Variants in BMPR1B observed in about 807,000 individuals in gnomAD.
BMPR1B encodes bone morphogenetic protein receptor type 1B, also known as bone morphogenetic protein receptor type-1B.
In BMPR1B, 12 loss-of-function variants were observed where a neutral mutation model predicts 59.1. The observed-to-expected ratio is 0.20, with a 90% CI of 0.13 to 0.33. BMPR1B has a LOEUF of 0.33. Ranked by LOEUF, BMPR1B falls within the 10% of genes least tolerant of loss-of-function variation. The pLI is 1.00. For synonymous variants in BMPR1B, 237 were observed against 207.3 expected, an observed-to-expected ratio of 1.14 and a Z score of -1.23; for missense variants, 550 against 610.9, an observed-to-expected ratio of 0.90 and a Z score of 1.05.
At chr4:95,067,259 G>C (rs1727884081) in intron 3 of BMPR1B, among the ~76,000 whole-genome samples, 1 of 152,134 alleles carries the variant, frequency 6.6e-6, no homozygotes, top group South Asian at 2.1e-4. Context: ...AAATAATTTA[G>C]AAAATTGCTA....
chr4:94,958,989 G>A (rs961268221), intron 2 of BMPR1B, among the ~76,000 whole-genome samples: 1 of 152,104 alleles, frequency 6.6e-6, no homozygotes, highest in Non-Finnish European at 1.5e-5. Flanking sequence ...GGAAACACGA[G>A]GAAGCTGATT....
intron 7 of BMPR1B, 113 bp from the exon 8 acceptor site, chr4:95,124,870 G>T (rs756035396): frequency 1.0e-6 from 1 of 953,716 alleles, no homozygotes; most frequent in East Asian, 2.6e-5. Flanking sequence ...AGCATTTAAT[G>T]TATTATATTT....
intron 2 of BMPR1B, among the ~76,000 whole-genome samples, chr4:94,902,711 C>A (rs1018811459): frequency 2.0e-5 from 3 of 151,846 alleles, no homozygotes; most frequent in Non-Finnish European, 2.9e-5. Flanking sequence ...AATTTCATAT[C>A]TCTTTGAATA....
intron 2 of BMPR1B, among the ~76,000 whole-genome samples, chr4:94,969,906 T>C (rs1730706930): frequency 1.3e-5 from 2 of 152,194 alleles, no homozygotes; most frequent in South Asian, 4.1e-4. Flanking sequence ...AACAAAGAAT[T>C]AATGATCATA....
intron 2 of BMPR1B, among the ~76,000 whole-genome samples, chr4:94,877,920 CT>C (rs1447787699): frequency 2.0e-5 from 3 of 152,022 alleles, no homozygotes; most frequent in African/African-American, 7.2e-5. Context: ...AATATCAGCA[CT>C]TTTATATTTC....
rs1553912364 is a variant in BMPR1B, at chr4:94,849,793, GGT to G, written c.-182-26011_-182-26010del. 1.8e-3 allele frequency among the ~76,000 whole-genome samples: 48 copies of G among 26,840 alleles called. No homozygotes were observed. The South Asian group carries it at 0.033, about 18-fold the overall frequency. 17.6% of individuals were successfully genotyped at this position (26,840 alleles called of 152,430 possible). On this transcript the variant is annotated intron_variant, in intron 1 of 12. Coordinates refer to ENST00000515059, the MANE Select transcript of BMPR1B (RefSeq NM_001203.3). ...CATAATAAGGTAGGAGGGGTTTTTT[GGT>G]GTGTGTGTGTGTGTGTGTGTGTGTG...
At chr4:94,934,855 T>C (rs1488519426) in intron 2 of BMPR1B, among the ~76,000 whole-genome samples, 1 of 152,168 alleles carries the variant, frequency 6.6e-6, no homozygotes, top group Admixed American at 6.6e-5. Flanking sequence ...TCATATTTTA[T>C]AGTAGTACCA....
intron 1 of BMPR1B, among the ~76,000 whole-genome samples, chr4:94,764,386 T>G (rs925796837): frequency 6.6e-6 from 1 of 152,182 alleles, no homozygotes. Context: ...AAGGTATTCT[T>G]CTCTATATAA....
At chr4:94,782,574 G>A (rs1433726116) in intron 1 of BMPR1B, among the ~76,000 whole-genome samples, 4 of 152,056 alleles carry the variant, frequency 2.6e-5, no homozygotes, top group Admixed American at 1.3e-4. Context: ...CCAAAGTGCT[G>A]GGATTACAGG....
At chr4:94,797,250 G>T (rs1723231212) in intron 1 of BMPR1B, among the ~76,000 whole-genome samples, 1 of 152,082 alleles carries the variant, frequency 6.6e-6, no homozygotes, top group South Asian at 2.1e-4. Context: ...CCTCTCCCTG[G>T]GTCCTTCCCA....
chr4:94,861,067 G>A (rs777504560), intron 1 of BMPR1B, among the ~76,000 whole-genome samples: 16 of 151,542 alleles, frequency 1.1e-4, no homozygotes, highest in Non-Finnish European at 1.9e-4. Context: ...CTTCATATAT[G>A]TGTCTATCTC....
chr4:94,857,986 C>T (rs1052897216), intron 1 of BMPR1B, among the ~76,000 whole-genome samples: 4 of 152,134 alleles, frequency 2.6e-5, no homozygotes, highest in African/African-American at 9.7e-5. Context: ...CGCTCTGTCG[C>T]CCAGGCTGGA....
intron 1 of BMPR1B, among the ~76,000 whole-genome samples, chr4:94,872,017 T>C (rs1726517290): frequency 6.6e-6 from 1 of 152,254 alleles, no homozygotes; most frequent in African/African-American, 2.4e-5. Flanking sequence ...TAAGTACTCT[T>C]GATTCCAAGT....
At chr4:94,986,117 C>T (rs966448281) in intron 2 of BMPR1B, among the ~76,000 whole-genome samples, 4 of 152,136 alleles carry the variant, frequency 2.6e-5, no homozygotes, top group African/African-American at 9.7e-5. Context: ...TTGGTTTATA[C>T]CAGTTACCTT....
At chr4:95,032,252 G>GGA (rs148968296) in intron 3 of BMPR1B, among the ~76,000 whole-genome samples, 14 of 151,478 alleles carry the variant, frequency 9.2e-5, no homozygotes, top group African/African-American at 3.1e-4. Context: ...CATGACTGGG[G>GGA]GAGAGAGAGA....
chr4:94,984,100 G>A (rs1330447700), intron 2 of BMPR1B, among the ~76,000 whole-genome samples: 1 of 152,202 alleles, frequency 6.6e-6, no homozygotes, highest in Non-Finnish European at 1.5e-5. Context: ...GAGGGGGAGG[G>A]CATGGTGTTA....
intron 3 of BMPR1B, among the ~76,000 whole-genome samples, chr4:95,038,656 A>T (rs1725435283): frequency 6.6e-6 from 1 of 152,218 alleles, no homozygotes; most frequent in South Asian, 2.1e-4. Flanking sequence ...ATTTTAATAA[A>T]AAATTAAAAA....
chr4:95,142,276 G>C (rs759168558), intron 10 of BMPR1B, among the ~76,000 whole-genome samples: 1 of 152,182 alleles, frequency 6.6e-6, no homozygotes. Context: ...GATGTGCACA[G>C]CCCCTTCTTC....
chr4:94,968,014 T>C (rs1282265561), intron 2 of BMPR1B, among the ~76,000 whole-genome samples: 1 of 152,174 alleles, frequency 6.6e-6, no homozygotes, highest in Non-Finnish European at 1.5e-5. Context: ...GATAATAACA[T>C]TTTGGTAGTT....
Sources: gnomAD v4.1 joint callset for allele counts (sites outside exome capture counted in the v4.1 genomes callset) on GRCh38, gnomAD v4.1.1 for gene constraint, MANE v1.5 for transcripts, NCBI Gene and HGNC (gene_info 2026-07-23, HGNC 2026-07-21) for gene names.